The following EDIL3 variants were observed in gnomAD, a reference collection of about 807,000 sequenced individuals.
The protein encoded by EDIL3 is EGF-like repeat and discoidin I-like domain-containing protein 3.
Under a neutral mutation model 67.4 loss-of-function variants are expected in EDIL3, and 37 were observed. The ratio of observed to expected loss-of-function variants is 0.55; its 90% CI spans 0.42 to 0.72. EDIL3 has a LOEUF of 0.72. Among genes scored for constraint, EDIL3 ranks in the 30% least tolerant of loss-of-function variants. EDIL3 has a pLI of 0.00. For synonymous variants in EDIL3, 195 were observed against 196.3 expected, an observed-to-expected ratio of 0.99 and a Z score of 0.05; for missense variants, 527 against 586.3, an observed-to-expected ratio of 0.90 and a Z score of 1.04.
In EDIL3 at chr5:84,201,806, G is replaced by A. The variant is rs567236949; in HGVS notation, c.227-21285C>T. Among the ~76,000 whole-genome samples the A allele has an allele frequency of 3.9e-5, 6 of 152,164 alleles. No homozygotes were observed. The South Asian group carries it at 1.2e-3, about 32-fold the overall frequency. On this transcript the variant is annotated intron_variant, in intron 3 of 10. Transcript: ENST00000296591. ...TATATTGCCAACTATATTTTGAAAG[G>A]TGAAATAATCAGTTACATGCCAAAA...
chr5:84,179,669 C>T (rs1207891709), intron 4 of EDIL3, among the ~76,000 whole-genome samples: 1 of 152,148 alleles, frequency 6.6e-6, no homozygotes, highest in Non-Finnish European at 1.5e-5. Flanking sequence ...CTCTGATCAA[C>T]ATTCTGTCCC....
chr5:83,990,873 C>T (rs1032237777), intron 9 of EDIL3, among the ~76,000 whole-genome samples: 1 of 140,200 alleles, frequency 7.1e-6, no homozygotes, highest in African/African-American at 2.7e-5. Flanking sequence ...GAGAAAGACT[C>T]TGTCTCAATA....
chr5:83,941,105 C>T lies in EDIL3; in HGVS notation c.*2314G>A, dbSNP rs759081206. On this transcript the variant is annotated 3_prime_UTR_variant, in exon 11 of 11. Transcript: ENST00000296591. ...TAAATTTACTTCACTTTCATGTCAT[C>T]GACATGAATGACACAAAAGCTACTT... 4 of 151,898 alleles carry T rather than the reference C, an allele frequency of 2.6e-5. No homozygotes were observed. Among genetic ancestry groups the T allele is most frequent in the Non-Finnish European group, 5.9e-5 (4 of 67,880 alleles). 9.4% of individuals were successfully genotyped at this position (151,898 alleles called of 1,614,324 possible).
intron 2 of EDIL3, among the ~76,000 whole-genome samples, chr5:84,242,466 T>G (rs1174945347): frequency 6.6e-6 from 1 of 152,080 alleles, no homozygotes; most frequent in African/African-American, 2.4e-5. Flanking sequence ...AGAATTCCAG[T>G]AGAGCATGCT....
At chr5:84,290,869 T>G (rs1745900300) in intron 1 of EDIL3, among the ~76,000 whole-genome samples, 1 of 152,154 alleles carries the variant, frequency 6.6e-6, no homozygotes, top group African/African-American at 2.4e-5. Context: ...ATCCTAAGAG[T>G]GCAGAGGTAG....
intron 6 of EDIL3, among the ~76,000 whole-genome samples, chr5:84,074,147 G>C (rs1260959565): frequency 6.6e-6 from 1 of 151,622 alleles, no homozygotes; most frequent in Non-Finnish European, 1.5e-5. Context: ...CTAGCCATAT[G>C]TAGAAAGCGG....
intron 4 of EDIL3, among the ~76,000 whole-genome samples, chr5:84,156,992 C>T (rs1388586619): frequency 6.6e-6 from 1 of 152,072 alleles, no homozygotes; most frequent in Admixed American, 6.6e-5. Context: ...TTTCTTCCTT[C>T]TCTAGTAATG....
At chr5:83,998,795 C>G (rs1028777977) in intron 9 of EDIL3, among the ~76,000 whole-genome samples, 3 of 152,172 alleles carry the variant, frequency 2.0e-5, no homozygotes, top group African/African-American at 7.2e-5. Context: ...TCAGTGGTAC[C>G]AGGCAATAGT....
chr5:84,363,461 A>C (rs188912692), intron 1 of EDIL3, among the ~76,000 whole-genome samples: 1 of 151,996 alleles, frequency 6.6e-6, no homozygotes, highest in African/African-American at 2.4e-5. Flanking sequence ...AAAAAAAAAA[A>C]AGAGCTAATT....
intron 6 of EDIL3, among the ~76,000 whole-genome samples, chr5:84,099,884 G>GAA (rs149658541): frequency 1.3e-5 from 2 of 149,706 alleles, no homozygotes; most frequent in African/African-American, 4.9e-5. Context: ...AAATTTACAA[G>GAA]AAAAAAAAAC....
chr5:84,370,350 C>T (rs1747818789), intron 1 of EDIL3, among the ~76,000 whole-genome samples: 1 of 152,154 alleles, frequency 6.6e-6, no homozygotes, highest in Non-Finnish European at 1.5e-5. Flanking sequence ...GTTGTCTCTT[C>T]CCCTCTGCCA....
At chr5:84,036,201 C>A (rs544648153) in intron 9 of EDIL3, among the ~76,000 whole-genome samples, 1 of 152,284 alleles carries the variant, frequency 6.6e-6, no homozygotes, top group African/African-American at 2.4e-5. Context: ...CTAGGGATGG[C>A]AACAGGGAAC....
chr5:84,031,973 G>C (rs1318353450), intron 9 of EDIL3, among the ~76,000 whole-genome samples: 1 of 152,132 alleles, frequency 6.6e-6, no homozygotes, highest in Non-Finnish European at 1.5e-5. Flanking sequence ...AAGCATACTT[G>C]TTCTCGAGAC....
chr5:84,213,654 G>T (rs1274003944), intron 3 of EDIL3, among the ~76,000 whole-genome samples: 1 of 152,096 alleles, frequency 6.6e-6, no homozygotes, highest in East Asian at 1.9e-4. Context: ...AGAAAAAACA[G>T]GTGAGTAGAT....
At chr5:84,260,044 T>G (rs1230275910) in intron 1 of EDIL3, among the ~76,000 whole-genome samples, 1 of 152,198 alleles carries the variant, frequency 6.6e-6, no homozygotes, top group Non-Finnish European at 1.5e-5. Context: ...ATTAAACTCT[T>G]GGATAGTTTG....
intron 3 of EDIL3, among the ~76,000 whole-genome samples, chr5:84,214,744 G>A (rs2112393191): frequency 6.6e-6 from 1 of 151,538 alleles, no homozygotes; most frequent in East Asian, 1.9e-4. Context: ...TAGAGACAGA[G>A]TCTTGCTATG....
chr5:84,252,570 T>C (rs1219592490), intron 2 of EDIL3, among the ~76,000 whole-genome samples: 1 of 151,020 alleles, frequency 6.6e-6, no homozygotes, highest in Non-Finnish European at 1.5e-5. Context: ...GTTTCTCTGA[T>C]TCCAGATTTG....
intron 9 of EDIL3, among the ~76,000 whole-genome samples, chr5:83,976,056 G>A (rs993387526): frequency 6.6e-6 from 1 of 151,766 alleles, no homozygotes; most frequent in Non-Finnish European, 1.5e-5. Context: ...ATCACTATAG[G>A]CCCAACACAA....
chr5:84,273,627 T>C (rs954715561), intron 1 of EDIL3, among the ~76,000 whole-genome samples: 3 of 152,220 alleles, frequency 2.0e-5, no homozygotes, highest in African/African-American at 7.2e-5. Flanking sequence ...AAACACAGCA[T>C]TGCCACAGTG....
Sources: allele counts gnomAD v4.1 joint callset (sites outside exome capture counted in the v4.1 genomes callset), GRCh38; gene constraint gnomAD v4.1.1; transcripts MANE v1.5; gene names NCBI Gene and HGNC (gene_info 2026-07-23, HGNC 2026-07-21).